The following SUGCT variants were observed in gnomAD, a reference collection of about 807,000 sequenced individuals.
SUGCT encodes succinyl-CoA:glutarate CoA-transferase.
SUGCT carries 41 observed loss-of-function variants against 55.0 expected under a neutral mutation model. The observed-to-expected ratio is 0.74, with a 90% CI of 0.58 to 0.97. The LOEUF (loss-of-function observed/expected upper bound fraction) is 0.97, where lower values mean the gene tolerates loss of function less well. Among genes scored for constraint, SUGCT ranks in the 50% least tolerant of loss-of-function variants. The pLI, the probability that SUGCT is intolerant of heterozygous loss-of-function variation, is 0.00. For missense variants in SUGCT, 568 were observed against 547.8 expected (o/e 1.04, Z -0.37); for synonymous variants, 187 against 200.4 (o/e 0.93, Z 0.56).
chr7:40,466,206 T>C (rs1562797279), intron 11 of SUGCT, among the ~76,000 whole-genome samples: 1 of 152,152 alleles, frequency 6.6e-6, no homozygotes. Flanking sequence ...TATGCCTGGC[T>C]TCTATAGCTT....
At chr7:40,267,225 T>A (rs1791648916) in intron 7 of SUGCT, among the ~76,000 whole-genome samples, 1 of 152,178 alleles carries the variant, frequency 6.6e-6, no homozygotes, top group Admixed American at 6.6e-5. Flanking sequence ...TCTTTATTGA[T>A]GACAGTCATA....
At chr7:40,216,772 C>T (rs896454995) in intron 6 of SUGCT, among the ~76,000 whole-genome samples, 23 of 151,422 alleles carry the variant, frequency 1.5e-4, no homozygotes, top group African/African-American at 5.3e-4. Context: ...AGGAGAATCG[C>T]TTGAACCTGG....
chr7:41,025,596 C>A, the SUGCT span, among the ~76,000 whole-genome samples: 1 of 152,130 alleles, frequency 6.6e-6, no homozygotes, highest in Non-Finnish European at 1.5e-5. Context: ...ACCTTGTGAT[C>A]AGCCTGCCTC....
chr7:40,998,187 T>C, the SUGCT span, among the ~76,000 whole-genome samples: 1 of 152,186 alleles, frequency 6.6e-6, no homozygotes, highest in Non-Finnish European at 1.5e-5. Context: ...GTCAACATGA[T>C]GAAACCCCCG....
chr7:40,506,064 T>C (rs1190914020), intron 12 of SUGCT, among the ~76,000 whole-genome samples: 1 of 152,180 alleles, frequency 6.6e-6, no homozygotes, highest in African/African-American at 2.4e-5. Flanking sequence ...TGAAATTGCA[T>C]ACATGATTAC....
chr7:40,485,468 C>T lies in SUGCT; in HGVS notation c.987-10816C>T, dbSNP rs929923515. Among the ~76,000 whole-genome samples, 3 of 140,652 alleles carry T rather than the reference C, an allele frequency of 2.1e-5. No homozygotes were observed. In the East Asian group the frequency reaches 6.0e-4, roughly 28 times the overall value. The allele number at this position is 140,652 out of a possible 152,430, so 92.3% of individuals were successfully genotyped here. A position where few individuals can be genotyped will look rare whatever the true frequency, so the allele number is the denominator to read the frequency against. On this transcript the variant is annotated intron_variant, in intron 11 of 13. Transcript: ENST00000335693. ...GGAGACTCGGTCTTGCTCTTTCACCCAGGCTGGAATGTAGTGGCATGATCA... is the reference window on the plus strand; with the variant it reads ...GGAGACTCGGTCTTGCTCTTTCACCTAGGCTGGAATGTAGTGGCATGATCA...
At chr7:40,951,529 C>CT in the SUGCT span, among the ~76,000 whole-genome samples, 1 of 152,124 alleles carries the variant, frequency 6.6e-6, no homozygotes, top group Non-Finnish European at 1.5e-5. Context: ...TTCTCTAGTT[C>CT]TTTTAATTGT....
intron 7 of SUGCT, among the ~76,000 whole-genome samples, chr7:40,257,222 T>G (rs1390341163): frequency 1.3e-5 from 2 of 152,200 alleles, no homozygotes; most frequent in Non-Finnish European, 2.9e-5. Flanking sequence ...TTTTGTATTC[T>G]ATTTTTTAAT....
intron 6 of SUGCT, among the ~76,000 whole-genome samples, chr7:40,228,473 A>T (rs1788521319): frequency 6.6e-6 from 1 of 151,324 alleles, no homozygotes; most frequent in South Asian, 2.1e-4. Flanking sequence ...TTATAAACTG[A>T]TCTATAACTT....
intron 12 of SUGCT, among the ~76,000 whole-genome samples, chr7:40,574,753 C>G (rs1030059171): frequency 6.6e-6 from 1 of 152,138 alleles, no homozygotes; most frequent in African/African-American, 2.4e-5. Context: ...TTTAATCTTC[C>G]AAAAGATTAT....
At chr7:40,675,149 C>T (rs1720554748) in intron 12 of SUGCT, among the ~76,000 whole-genome samples, 1 of 151,716 alleles carries the variant, frequency 6.6e-6, no homozygotes, top group African/African-American at 2.4e-5. Context: ...CAACCTCCGC[C>T]TCTTGGGTTC....
At chr7:40,435,290 G>A (rs1788109744) in intron 9 of SUGCT, among the ~76,000 whole-genome samples, 1 of 152,142 alleles carries the variant, frequency 6.6e-6, no homozygotes, top group Non-Finnish European at 1.5e-5. Flanking sequence ...TATTCAGCAT[G>A]TCACTTTAAC....
intron 12 of SUGCT, among the ~76,000 whole-genome samples, chr7:40,652,297 T>C (rs1018043850): frequency 4.6e-5 from 7 of 152,210 alleles, no homozygotes; most frequent in East Asian, 1.9e-4. Flanking sequence ...TATTCACCCA[T>C]TTTCTAACAG....
At chr7:40,681,300 G>A (rs909821481) in intron 12 of SUGCT, among the ~76,000 whole-genome samples, 1 of 152,078 alleles carries the variant, frequency 6.6e-6, no homozygotes, top group African/African-American at 2.4e-5. Flanking sequence ...GGGCAGAGGC[G>A]CTGAAGGTTG....
chr7:40,926,710 AG>A, the SUGCT span, among the ~76,000 whole-genome samples: 7 of 152,208 alleles, frequency 4.6e-5, no homozygotes, highest in Admixed American at 1.3e-4. Context: ...AGCCAGCCTC[AG>A]CCAGGAAGGG....
At chr7:40,967,120 T>C in the SUGCT span, 7 of 152,252 alleles carry the variant, frequency 4.6e-5, no homozygotes, top group Admixed American at 4.6e-4. Flanking sequence ...TCAGGTTCTT[T>C]GTTTTGTTAC....
At chr7:40,817,874 G>T (rs1791759134) in intron 13 of SUGCT, among the ~76,000 whole-genome samples, 1 of 152,188 alleles carries the variant, frequency 6.6e-6, no homozygotes. Context: ...AGAACTTCTA[G>T]AAGGAGGTAG....
the SUGCT span, among the ~76,000 whole-genome samples, chr7:41,024,501 C>T: frequency 2.0e-5 from 3 of 151,942 alleles, no homozygotes; most frequent in Non-Finnish European, 4.4e-5. Context: ...TAAAAGCATA[C>T]CCAATTTTTT....
chr7:40,529,371 C>T (rs1372949398), intron 12 of SUGCT, among the ~76,000 whole-genome samples: 1 of 152,198 alleles, frequency 6.6e-6, no homozygotes, highest in Non-Finnish European at 1.5e-5. Context: ...CACCTCCTCT[C>T]CAGTGTTCAC....
Sources: gnomAD v4.1 joint callset for allele counts (sites outside exome capture counted in the v4.1 genomes callset) on GRCh38, gnomAD v4.1.1 for gene constraint, MANE v1.5 for transcripts, NCBI Gene and HGNC (gene_info 2026-07-23, HGNC 2026-07-21) for gene names.